The following NLRP5 variants were observed in gnomAD, a reference collection of about 807,000 sequenced individuals.
The protein encoded by NLRP5 is NLR family pyrin domain containing 5.
In NLRP5, 93 loss-of-function variants were observed where a neutral mutation model predicts 113.1. The observed-to-expected ratio is 0.82, with a 90% CI of 0.70 to 0.98. NLRP5 has a LOEUF of 0.98. NLRP5 is among the 50% of genes least tolerant of loss of function. NLRP5 has a pLI of 0.00. For synonymous variants in NLRP5, 751 were observed against 600.7 expected, an observed-to-expected ratio of 1.25 and a Z score of -3.66; for missense variants, 1,808 against 1,514.3, an observed-to-expected ratio of 1.19 and a Z score of -3.22.
In NLRP5 at chr19:56,013,596, G is replaced by GTTTTTTTTTTTTTT. The variant is rs71183002; in HGVS notation, c.509-2138_509-2125dup. Among the ~76,000 whole-genome samples the GTTTTTTTTTTTTTT allele has an allele frequency of 4.5e-3, 268 of 59,212 alleles. 30 individuals are homozygous for GTTTTTTTTTTTTTT. Among genetic ancestry groups the GTTTTTTTTTTTTTT allele is most frequent in the Non-Finnish European group, 5.1e-3 (177 of 34,656 alleles). The allele number at this position is 59,212 out of a possible 152,430, so 38.8% of individuals were successfully genotyped here. A position where few individuals can be genotyped will look rare whatever the true frequency, so the allele number is the denominator to read the frequency against. On this transcript the variant is annotated intron_variant, in intron 3 of 14. Transcript: ENST00000390649. ...CATTTATCACATGATGGACATTTGG[G>GTTTTTTTTTTTTTT]TTTTTTTTTTTTTTTTTTTTTGCTA...
intron 11 of NLRP5, among the ~76,000 whole-genome samples, chr19:56,043,739 A>G (rs145340832): frequency 0.014 from 2,106 of 150,168 alleles, 45 homozygotes; most frequent in African/African-American, 0.048. Context: ...CACCCGGCTA[A>G]TTTTTTTGTG....
In NLRP5 at chr19:56,050,588, A is replaced by T. The variant is rs754126473; in HGVS notation, c.3128A>T (p.Glu1043Val). ...CCATCTTGTCATCTCCAGGACCTGG[A>T]GTGAGTTTCCCATGGGCGTTGGGTC... The change falls in exon 12 of 15, where the codon GAG becomes GTG. Residue 1043 changes from glutamate to valine, a missense_variant and splice_region_variant. Glu to Val is a moderately radical substitution (Grantham distance 121). Transcript: ENST00000390649. The T allele has an allele frequency of 1.2e-6, 2 of 1,613,070 alleles. No homozygotes were observed. The highest frequency in any genetic ancestry group is 2.7e-5 in the African/African-American group (2 of 74,904).
chr19:56,041,908 G>A (rs1983536471), intron 11 of NLRP5, among the ~76,000 whole-genome samples: 1 of 152,206 alleles, frequency 6.6e-6, no homozygotes. Flanking sequence ...GGCATGAGCT[G>A]AGATTGTGCC....
At chr19:55,998,849 T>C (rs1399802733), upstream of NLRP5, among the ~76,000 whole-genome samples, 1 of 151,096 alleles carries the variant, frequency 6.6e-6, no homozygotes, top group Non-Finnish European at 1.5e-5. Context: ...TACAATGCGA[T>C]GTTTAGATAT....
chr19:56,017,050 G>A (rs996535098), intron 4 of NLRP5, among the ~76,000 whole-genome samples: 7 of 151,928 alleles, frequency 4.6e-5, no homozygotes, highest in South Asian at 2.1e-4. Context: ...CTCGTGATCC[G>A]CCCGCCTCGG....
At chr19:56,031,194 C>T (rs1366733201) in intron 7 of NLRP5, among the ~76,000 whole-genome samples, 1 of 152,144 alleles carries the variant, frequency 6.6e-6, no homozygotes, top group East Asian at 1.9e-4. Context: ...ACAGGCACGA[C>T]ATTGAACAAT....
chr19:56,001,901 T>G (rs1365235874), intron 1 of NLRP5, among the ~76,000 whole-genome samples: 1 of 151,960 alleles, frequency 6.6e-6, no homozygotes, highest in East Asian at 1.9e-4. Flanking sequence ...AAAGTAATGG[T>G]GGGGGGAAAG....
intron 9 of NLRP5, among the ~76,000 whole-genome samples, chr19:56,036,230 A>AT (rs1042709905): frequency 4.6e-5 from 7 of 150,798 alleles, no homozygotes; most frequent in Admixed American, 4.6e-4. Context: ...CGCCCGGCTA[A>AT]TTTTTTTGTA....
intron 2 of NLRP5, among the ~76,000 whole-genome samples, chr19:56,006,920 T>C (rs930591391): frequency 4.6e-5 from 7 of 151,128 alleles, no homozygotes; most frequent in African/African-American, 1.7e-4. Flanking sequence ...TTTGTATTTT[T>C]AGTAGAGAAG....
chr19:56,010,807 T>C (rs989298231), intron 3 of NLRP5, among the ~76,000 whole-genome samples: 2 of 138,914 alleles, frequency 1.4e-5, no homozygotes, highest in Non-Finnish European at 3.1e-5. Flanking sequence ...TTTATCAAGC[T>C]ATAGAATCAA....
chr19:56,055,533 C>CTTTTT (rs1491011983), intron 13 of NLRP5, among the ~76,000 whole-genome samples: 3,752 of 99,052 alleles, frequency 0.038, 334 homozygotes, highest in Middle Eastern at 0.076. Flanking sequence ...TTTTCTTTCT[C>CTTTTT]TGTCTTTTTT....
At chr19:56,046,440 C>T (rs138934694) in intron 11 of NLRP5, among the ~76,000 whole-genome samples, 1 of 129,908 alleles carries the variant, frequency 7.7e-6, no homozygotes, top group African/African-American at 2.9e-5. Context: ...TACGTCCTTC[C>T]CTGGTGTTGG....
chr19:56,045,426 T>TA lies in NLRP5; in HGVS notation c.2957+4335dup, dbSNP rs1200890301. 1.5e-4 allele frequency among the ~76,000 whole-genome samples: 23 copies of TA among 152,292 alleles called. 2 individuals are homozygous for TA. The highest frequency in any genetic ancestry group is 1.3e-3 in the Admixed American group (20 of 15,276). On this transcript the variant is annotated intron_variant, in intron 11 of 14. Transcript: ENST00000390649. ...GGAGCTAGTTTTTTTTTCTTTTTTT[T>TA]ATTATACTTTAAGTTTTAGGGTACA...
At chr19:56,056,437 A>G (rs1984155380) in intron 13 of NLRP5, among the ~76,000 whole-genome samples, 2 of 152,296 alleles carry the variant, frequency 1.3e-5, no homozygotes, top group South Asian at 2.1e-4. Context: ...TACGCCTGTA[A>G]TCCCAGCTAC....
chr19:56,050,582 A>AC lies in NLRP5; in HGVS notation c.3124dup (p.Leu1042ProfsTer14). 2 of 1,613,242 alleles carry AC rather than the reference A, an allele frequency of 1.2e-6. No individual in the cohort carries two copies. The highest frequency in any genetic ancestry group is 1.7e-6 in the Non-Finnish European group (2 of 1,179,438). ...AGAGAACCATCTTGTCATCTCCAGG[A>AC]CCTGGAGTGAGTTTCCCATGGGCGT... On this transcript the variant is annotated frameshift_variant, in exon 12 of 15. Transcript: ENST00000390649. LOFTEE classifies it high-confidence loss of function.
intron 3 of NLRP5, among the ~76,000 whole-genome samples, chr19:56,009,681 A>G (rs976978550): frequency 1.3e-5 from 2 of 152,184 alleles, no homozygotes; most frequent in African/African-American, 4.8e-5. Flanking sequence ...ACACAGGGAG[A>G]AAGGCAGGCT....
chr19:56,010,636 C>T (rs905912401), intron 3 of NLRP5, among the ~76,000 whole-genome samples: 2 of 150,730 alleles, frequency 1.3e-5, no homozygotes, highest in Non-Finnish European at 2.9e-5. Context: ...GCCCGTAATC[C>T]TAGCTACTCA....
At chr19:55,987,706 G>T in the NLRP5 span, 1 of 751,474 alleles carries the variant, frequency 1.3e-6, no homozygotes, top group South Asian at 1.5e-5. Flanking sequence ...GGTGAGGTGG[G>T]AGGGGTACGG....
At chr19:55,991,169 CTT>C in the NLRP5 span, among the ~76,000 whole-genome samples, 3 of 152,088 alleles carry the variant, frequency 2.0e-5, no homozygotes, top group African/African-American at 4.8e-5. Flanking sequence ...CATCTTGTCT[CTT>C]TTATACCATT....
Sources: gnomAD v4.1 joint callset for allele counts (sites outside exome capture counted in the v4.1 genomes callset) on GRCh38, gnomAD v4.1.1 for gene constraint, MANE v1.5 for transcripts, NCBI Gene and HGNC (gene_info 2026-07-23, HGNC 2026-07-21) for gene names.